SCNN1D: variants seen among roughly 807,000 people sequenced by gnomAD.
The protein encoded by SCNN1D is sodium channel epithelial 1 subunit delta.
SCNN1D carries 104 observed loss-of-function variants against 87.8 expected under a neutral mutation model. The observed-to-expected ratio is 1.18, with a 90% CI of 1.01 to 1.39. The LOEUF is 1.39. Among genes scored for constraint, SCNN1D ranks in the 40% most tolerant of loss-of-function variants. The pLI, the probability that SCNN1D is intolerant of heterozygous loss-of-function variation, is 0.00. For missense variants in SCNN1D, 1,324 were observed against 1,093.9 expected (o/e 1.21, Z -2.97); for synonymous variants, 628 against 481.2 (o/e 1.31, Z -3.99).
chr1:1,291,583 C>T lies in SCNN1D; in HGVS notation c.2382C>T (p.Pro794=). 6.4e-7 allele frequency: 1 copy of T among 1,558,346 alleles called. No individual in the cohort carries two copies. The highest frequency in any genetic ancestry group is 8.7e-7 in the Non-Finnish European group (1 of 1,149,426). Residue 794 remains proline (P), a synonymous_variant, in exon 18 of 18, where the codon CCC becomes CCT. Coordinates refer to ENST00000379116, the MANE Select transcript of SCNN1D (RefSeq NM_001130413.4). ...GVSAEESWAG[P]QPLETLDT is the part of the protein sequence containing the mutation. ...CAGCCGAAGAGAGCTGGGCTGGGCCCCAGCCCCTTGAGACTCTGGACACCT... is the reference window on the plus strand; with the variant it reads ...CAGCCGAAGAGAGCTGGGCTGGGCCTCAGCCCCTTGAGACTCTGGACACCT...
In SCNN1D at chr1:1,291,554, G is replaced by A; in HGVS notation, c.2353G>A (p.Val785Ile). Residue 785 changes from valine to isoleucine, a missense_variant, in exon 18 of 18, where the codon GTC becomes ATC. Physicochemically the swap from Val to Ile is conservative, Grantham distance 29 (BLOSUM62 3). Transcript: ENST00000379116. Reference protein sequence around the residue: ...RVMLPGVLAGVSAEESWAGPQ... With the variant: ...RVMLPGVLAGISAEESWAGPQ... ...GATGCTTCCAGGGGTTCTGGCGGGA[G>A]TCTCAGCCGAAGAGAGCTGGGCTGG... 1 of 1,591,772 alleles carries A rather than the reference G, an allele frequency of 6.3e-7. No homozygotes were observed. The highest frequency in any genetic ancestry group is 8.6e-7 in the Non-Finnish European group (1 of 1,165,916).
chr1:1,287,621 C>A, intron 10 of SCNN1D, 25 bp downstream of exon 10: 1 of 1,609,634 alleles, frequency 6.2e-7, no homozygotes, highest in Non-Finnish European at 8.5e-7. Context: ...CTGGCCGGTG[C>A]GGGGGCAGGG....
In SCNN1D at chr1:1,291,497, C is replaced by G. The variant is rs1488612507; in HGVS notation, c.2296C>G (p.Pro766Ala). The change falls in exon 18 of 18, where the codon CCG becomes GCG. Residue 766 changes from proline to alanine, a missense_variant. Coordinates refer to ENST00000379116, the MANE Select transcript of SCNN1D (RefSeq NM_001130413.4). ...PPPAGGTSDD[P>A]EPSGPHLPRV... ...GCCTGCAGGCGGCACGTCAGATGAC[C>G]CGGAGCCCAGCGGGCCTCATCTCCC... 10 of 1,609,262 alleles carry G rather than the reference C, an allele frequency of 6.2e-6. No homozygotes were observed. Among genetic ancestry groups the G allele is most frequent in the Non-Finnish European group, 8.5e-6 (10 of 1,177,834 alleles).
chr1:1,283,601 A>G (rs890685092), intron 4 of SCNN1D, among the ~76,000 whole-genome samples: 3 of 152,162 alleles, frequency 2.0e-5, no homozygotes, highest in Admixed American at 6.5e-5. Flanking sequence ...AGGAGGCTGA[A>G]GCAGGAGAAT....
rs1164023414 is a variant in SCNN1D, at chr1:1,285,986, G to C, written c.619G>C (p.Glu207Gln). 6.4e-7 allele frequency: 1 copy of C among 1,559,610 alleles called. No homozygotes were observed. Among genetic ancestry groups the C allele is most frequent in the Non-Finnish European group, 8.7e-7 (1 of 1,151,200 alleles). ...PPSAPPPPPK[E>Q]GHQEGLVELP... ...ATCAGCACCACCACCACCACCCAAG[G>C]AGGGGCACCAGGAGGGGCTGGTGGA... is the stretch of plus-strand genomic sequence containing the variant. Residue 207 changes from glutamate to glutamine, a missense_variant, in exon 7 of 18, where the codon GAG becomes CAG. Physicochemically the swap from Glu to Gln is conservative, Grantham distance 29. Coordinates refer to ENST00000379116, the MANE Select transcript of SCNN1D (RefSeq NM_001130413.4).
At chr1:1,288,422 C>T (rs1235859053) in intron 12 of SCNN1D, among the ~76,000 whole-genome samples, 1 of 52,624 alleles carries the variant, frequency 1.9e-5, no homozygotes, top group Non-Finnish European at 3.1e-5. Flanking sequence ...TGCTCCGTCC[C>T]GTGTCCCTGC....
At chr1:1,290,191 CCTGCTCCGT>C (rs1640748408) in intron 12 of SCNN1D, 71 bp from the exon 13 acceptor site, 1 of 512,694 alleles carries the variant, frequency 2.0e-6, no homozygotes, top group Non-Finnish European at 2.7e-6. Flanking sequence ...GTCCCGTGTC[CCTGCTCCGT>C]CCCGTGTCTC....
rs773415865 is a variant in SCNN1D at position 1,286,873 on chromosome 1, C to T, written c.1017C>T (p.Ser339=). 5.0e-5 allele frequency: 80 copies of T among 1,612,410 alleles called. No homozygotes were observed. In the Admixed American group the frequency reaches 1.2e-3, roughly 24 times the overall value. Residue 339 remains serine, a synonymous_variant, in exon 8 of 18, where the codon TCC becomes TCT. Transcript: ENST00000379116. The stretch of plus-strand genomic sequence containing the variant: ...TCAGCAAAGGCAGAGCCGCCCTCTC[C>T]GCCACTGTCCCCCGCCACGAGCCCC... ...VNLSKGRAAL[S]ATVPRHEPPF... is the part of the protein sequence containing the mutation.
chr1:1,291,128 GCCCGTGTACTCGGTGAGCCTTGGCC>G lies in SCNN1D; in HGVS notation c.2044_2052+16del. 6.2e-7 allele frequency: 1 copy of G among 1,611,924 alleles called. No homozygotes were observed. The highest frequency in any genetic ancestry group is 8.5e-7 in the Non-Finnish European group (1 of 1,179,642). The stretch of plus-strand genomic sequence containing the variant: ...TCAACTACCGCTCAGTGGAGGAGGC[GCCCGTGTACTCGGTGAGCCTTGGCC>G]CCCTGCCTGGGCTAGAGCGGGGGCA... On this transcript the variant is annotated splice_donor_variant and splice_donor_5th_base_variant and coding_sequence_variant and intron_variant, in exon 17 of 18. Transcript: ENST00000379116. LOFTEE classifies it high-confidence loss of function.
Position 1,287,259 on chromosome 1 carries a change from G to T in SCNN1D, c.1270G>T (p.Val424Phe). The T allele has an allele frequency of 6.2e-7, 1 of 1,609,236 alleles. No individual in the cohort carries two copies. The highest frequency in any genetic ancestry group is 8.5e-7 in the Non-Finnish European group (1 of 1,178,208). ...DSHGSQDGHF[V>F]LSCSYDGLDC... ...CCACGGGAGCCAGGACGGCCACTTCGTCCTCTCCTGCAGTTACGATGGCCT... is the reference window on the plus strand; with the variant it reads ...CCACGGGAGCCAGGACGGCCACTTCTTCCTCTCCTGCAGTTACGATGGCCT... Residue 424 changes from valine (V) to phenylalanine (F), a missense_variant, in exon 9 of 18, where the codon GTC (valine) becomes TTC (phenylalanine). Coordinates refer to ENST00000379116, the MANE Select transcript of SCNN1D (RefSeq NM_001130413.4).
At position 1,287,609 on chromosome 1, in the gene SCNN1D, C is replaced by T. The variant is rs375288112; in HGVS notation, c.1399+13C>T. 650 of 1,608,058 alleles carry T rather than the reference C, an allele frequency of 4.0e-4. No homozygotes were observed. The highest frequency in any genetic ancestry group is 5.3e-4 in the Non-Finnish European group (623 of 1,176,852). ...GGCATCACCCACGGTGGGTGCCAGC[C>T]CCTGGCCGGTGCGGGGGCAGGGGTG... is the stretch of plus-strand genomic sequence containing the variant. On this transcript the variant is annotated intron_variant, in intron 10 of 17. Transcript: ENST00000379116.
Position 1,280,468 on chromosome 1 carries a change from TAA to T in SCNN1D, c.-183_-182del, listed in dbSNP as rs967685711. ...GACAGCGAGACTCCATCTCAATAAA[TAA>T]AAAAAAAAAAGAGTTGTTATCAGTA... On this transcript the variant is annotated 5_prime_UTR_variant, in exon 1 of 18. Transcript: ENST00000379116. 203 of 390,628 alleles carry T rather than the reference TAA, an allele frequency of 5.2e-4. No individual in the cohort carries two copies. Among genetic ancestry groups the T allele is most frequent in the Admixed American group, 7.3e-4 (18 of 24,774 alleles). The allele number at this position is 390,628 out of a possible 1,614,324, so 24.2% of individuals were successfully genotyped here. A position where few individuals can be genotyped will look rare whatever the true frequency, so the allele number is the denominator to read the frequency against.
At chr1:1,284,480 C>T (rs2100319201) in intron 5 of SCNN1D, among the ~76,000 whole-genome samples, 2 of 151,666 alleles carry the variant, frequency 1.3e-5, no homozygotes, top group Middle Eastern at 6.8e-3. Flanking sequence ...CTGAAGAAGG[C>T]TGTGTCCCAT....
At chr1:1,288,067 G>T in intron 12 of SCNN1D, 30 bp downstream of exon 12, 1 of 1,452,930 alleles carries the variant, frequency 6.9e-7, no homozygotes, top group South Asian at 1.3e-5. Flanking sequence ...GGGTGCGGGG[G>T]CAGGTGAGGC....
chr1:1,285,996 A>G lies in SCNN1D; in HGVS notation c.629A>G (p.Gln210Arg), dbSNP rs1640580470. The change falls in exon 7 of 18, where the codon CAG becomes CGG. Residue 210 changes from glutamine (Q) to arginine (R), a missense_variant. Physicochemically the swap from Gln to Arg is conservative, Grantham distance 43. Coordinates refer to ENST00000379116, the MANE Select transcript of SCNN1D (RefSeq NM_001130413.4). The stretch of plus-strand genomic sequence containing the variant: ...CCACCACCACCCAAGGAGGGGCACC[A>G]GGAGGGGCTGGTGGAGCTGCCCGCC... ...APPPPPKEGH[Q>R]EGLVELPASF... 1 of 1,560,712 alleles carries G rather than the reference A, an allele frequency of 6.4e-7. No homozygotes were observed. The highest frequency in any genetic ancestry group is 1.9e-5 in the Admixed American group (1 of 53,036).
Position 1,291,504 on chromosome 1 carries a change from C to T in SCNN1D, c.2303C>T (p.Pro768Leu). Residue 768 changes from proline (P) to leucine (L), a missense_variant, in exon 18 of 18, where the codon CCC becomes CTC. By Grantham distance (98) the Pro-to-Leu change is moderately conservative. Transcript: ENST00000379116. ...PAGGTSDDPE[P>L]SGPHLPRVML... ...GGCGGCACGTCAGATGACCCGGAGCCCAGCGGGCCTCATCTCCCACGGGTG... is the reference window on the plus strand; with the variant it reads ...GGCGGCACGTCAGATGACCCGGAGCTCAGCGGGCCTCATCTCCCACGGGTG... The T allele has an allele frequency of 6.2e-7, 1 of 1,608,944 alleles. No homozygotes were observed. The highest frequency in any genetic ancestry group is 1.7e-4 in the Middle Eastern group (1 of 6,054).
intron 3 of SCNN1D, chr1:1,281,832 G>C: frequency 1.7e-6 from 1 of 592,766 alleles, no homozygotes; most frequent in Non-Finnish European, 3.0e-6. Flanking sequence ...CCCACTGGCC[G>C]GACCTGGGCT....
In SCNN1D at chr1:1,287,162, G is replaced by A. The variant is rs139170280; in HGVS notation, c.1173G>A (p.Ala391=). 29 of 1,609,062 alleles carry A rather than the reference G, an allele frequency of 1.8e-5. No homozygotes were observed. The highest frequency in any genetic ancestry group is 4.0e-5 in the African/African-American group (3 of 74,848). The change falls in exon 9 of 18, where the codon GCG becomes GCA. Residue 391 remains alanine (A), a synonymous_variant. Coordinates refer to ENST00000379116, the MANE Select transcript of SCNN1D (RefSeq NM_001130413.4). ...CFYRGYTSGV[A]AVQDWYHFHY... is the part of the protein sequence containing the mutation. Reference sequence around the variant, plus strand: ...ACCGAGGCTACACGTCAGGCGTGGCGGCTGTCCAGGACTGGTACCACTTCC... The same window carrying A: ...ACCGAGGCTACACGTCAGGCGTGGCAGCTGTCCAGGACTGGTACCACTTCC...
At chr1:1,282,177 A>C in intron 3 of SCNN1D, 65 bp from the exon 4 acceptor site, 3 of 943,386 alleles carry the variant, frequency 3.2e-6, no homozygotes, top group Non-Finnish European at 5.0e-6. Flanking sequence ...CAAGGAAATC[A>C]GCTCAGAGAG....
Sources: gnomAD v4.1 joint callset for allele counts (sites outside exome capture counted in the v4.1 genomes callset) on GRCh38, gnomAD v4.1.1 for gene constraint, MANE v1.5 for transcripts, NCBI Gene and HGNC (gene_info 2026-07-23, HGNC 2026-07-21) for gene names.